The following TIAM2 variants were observed in gnomAD, a reference collection of about 807,000 sequenced individuals.
TIAM2 encodes TIAM Rac1 associated GEF 2.
Under a neutral mutation model 152.9 loss-of-function variants are expected in TIAM2, and 80 were observed. The ratio of observed to expected loss-of-function variants is 0.52; its 90% confidence interval spans 0.44 to 0.63. TIAM2 has a LOEUF of 0.63. Ranked by LOEUF, TIAM2 falls within the 30% of genes least tolerant of loss-of-function variation. The pLI, the probability that TIAM2 is intolerant of heterozygous loss-of-function variation, is 0.00. For missense variants in TIAM2, 1,965 were observed against 2,120.1 expected (o/e 0.93, Z 1.44); for synonymous variants, 804 against 838.0 (o/e 0.96, Z 0.70).
chr6:155,248,139 C>CCTGA lies in TIAM2; in HGVS notation c.3794_3797dup (p.Gln1268GlyfsTer26). ...CGCTGCTGCTCAAGGAGCTGGTGTC[C>CCTGA]CTGACGGACCAGGAGAGCGAGGAGC... On this transcript the variant is annotated frameshift_variant, in exon 20 of 27. Coordinates refer to ENST00000682666, the MANE Select transcript of TIAM2 (RefSeq NM_012454.4). LOFTEE classifies it high-confidence loss of function. 1 of 1,614,116 alleles carries CCTGA rather than the reference C, an allele frequency of 6.2e-7. No homozygotes were observed. The highest frequency in any genetic ancestry group is 8.5e-7 in the Non-Finnish European group (1 of 1,180,020).
intron 15 of TIAM2, chr6:155,217,135 C>A (rs767095648): frequency 1.6e-6 from 2 of 1,288,438 alleles, no homozygotes; most frequent in Non-Finnish European, 2.0e-6. Context: ...AGATTTTGAT[C>A]CAAATGTAGG....
chr6:155,256,888 C>T lies in TIAM2; in HGVS notation c.4873C>T (p.Pro1625Ser), dbSNP rs201653955. ...TGAGGGTCAGAAAGGAGGAGAGCAG[C>T]CCAAACTGGTCCGGGGGCACTTCTG... is the stretch of plus-strand genomic sequence containing the variant. ...SGEGQKGGEQ[P>S]KLVRGHFCPI... The change falls in exon 27 of 27, where the codon CCC (proline) becomes TCC (serine). Residue 1625 changes from proline to serine, a missense_variant. Physicochemically the swap from Pro to Ser is moderately conservative, Grantham distance 74. Coordinates refer to ENST00000682666, the MANE Select transcript of TIAM2 (RefSeq NM_012454.4). 1.2e-6 allele frequency: 2 copies of T among 1,614,206 alleles called. No homozygotes were observed. Among genetic ancestry groups the T allele is most frequent in the East Asian group, 4.5e-5 (2 of 44,886 alleles).
intron 1 of TIAM2, among the ~76,000 whole-genome samples, chr6:155,081,747 C>G (rs188512890): frequency 8.5e-5 from 13 of 152,278 alleles, no homozygotes; most frequent in Admixed American, 7.8e-4. Flanking sequence ...TGGTGCTTGC[C>G]CTTTCAAGTG....
intron 6 of TIAM2, among the ~76,000 whole-genome samples, chr6:155,147,234 A>G (rs1583214215): frequency 6.7e-6 from 1 of 149,992 alleles, no homozygotes; most frequent in East Asian, 1.9e-4. Context: ...CCAGGTTTCA[A>G]AATTTCATAT....
At chr6:155,083,348 CAA>C (rs574203207) in intron 1 of TIAM2, among the ~76,000 whole-genome samples, 26,831 of 89,290 alleles carry the variant, frequency 0.3, 2,786 homozygotes, top group East Asian at 0.44. Flanking sequence ...GACTTTATCT[CAA>C]AAAAAAAAAA....
In TIAM2 at chr6:155,254,491, A is replaced by G. The variant is rs1783878148; in HGVS notation, c.4386A>G (p.Ile1462Met). ...TGAGGGAGAACTTCAGGCGTCACAT[A>G]AAGTGTGAATTACCACTGGAGAAAA... ...SILRENFRRH[I>M]KCELPLEKTC... is the part of the protein sequence containing the mutation. The change falls in exon 26 of 27, where the codon ATA becomes ATG. Residue 1462 changes from isoleucine (I) to methionine (M), a missense_variant. Ile to Met is a conservative substitution (Grantham distance 10). Around this residue, in one of 3 missense-constraint regions of TIAM2, gnomAD observed 935 missense variants for 980.0 expected, o/e 0.95. Transcript: ENST00000682666. 6 of 1,614,102 alleles carry G rather than the reference A, an allele frequency of 3.7e-6. No individual in the cohort carries two copies. Among genetic ancestry groups the G allele is most frequent in the African/African-American group, 2.7e-5 (2 of 74,950 alleles).
At chr6:155,039,625 G>A (rs866631068) in intron 1 of TIAM2, among the ~76,000 whole-genome samples, 8 of 129,812 alleles carry the variant, frequency 6.2e-5, no homozygotes, top group Non-Finnish European at 9.6e-5. Flanking sequence ...GGGAATGGGC[G>A]TTGGGGGCTG....
chr6:155,017,877 A>G (rs1345470577), intron 1 of TIAM2, among the ~76,000 whole-genome samples: 1 of 152,018 alleles, frequency 6.6e-6, no homozygotes, highest in Admixed American at 6.6e-5. Flanking sequence ...TGAAAGACCC[A>G]TGTCTCCAGA....
rs200692211 is a variant in TIAM2 at position 155,230,902 on chromosome 6, T to G, written c.3169-9628T>G. Among the ~76,000 whole-genome samples the G allele has an allele frequency of 5.5e-4, 83 of 151,996 alleles. No homozygotes were observed. The East Asian group carries it at 0.015, about 27-fold the overall frequency. On this transcript the variant is annotated intron_variant, in intron 15 of 26. Coordinates refer to ENST00000682666, the MANE Select transcript of TIAM2 (RefSeq NM_012454.4). ...AGGCTGGAGTACAGTGGAACGATCT[T>G]GGCTCACTGCAACCTCTGCCTCCCG...
intron 1 of TIAM2, among the ~76,000 whole-genome samples, chr6:155,057,017 CTTTTTTT>C (rs71023612): frequency 4.3e-4 from 19 of 43,866 alleles, no homozygotes; most frequent in Admixed American, 2.7e-3. Context: ...AGTTTTCTTT[CTTTTTTT>C]TTTTTTTTTT....
chr6:155,152,530 C>T (rs1242934526), intron 7 of TIAM2, among the ~76,000 whole-genome samples: 5 of 152,200 alleles, frequency 3.3e-5, no homozygotes, highest in African/African-American at 2.4e-5. Context: ...GAAGGAGACA[C>T]GGTTATCCCA....
intron 3 of TIAM2, among the ~76,000 whole-genome samples, chr6:155,128,410 G>A (rs998291876): frequency 6.6e-6 from 1 of 152,090 alleles, no homozygotes; most frequent in African/African-American, 2.4e-5. Context: ...TTATAAAAAT[G>A]TGATAGTTTT....
chr6:155,178,270 AAT>A (rs1780806482), intron 10 of TIAM2, among the ~76,000 whole-genome samples: 1 of 152,078 alleles, frequency 6.6e-6, no homozygotes, highest in Admixed American at 6.6e-5. Flanking sequence ...TGCGAGAGAA[AAT>A]ATGAGTGTGT....
At chr6:155,205,081 A>G (rs1781563285) in intron 14 of TIAM2, among the ~76,000 whole-genome samples, 1 of 150,412 alleles carries the variant, frequency 6.6e-6, no homozygotes, top group Non-Finnish European at 1.5e-5. Flanking sequence ...AACACCTCCC[A>G]GTAAGTCTAC....
At chr6:155,053,589 G>A (rs1777372435) in intron 1 of TIAM2, among the ~76,000 whole-genome samples, 1 of 150,804 alleles carries the variant, frequency 6.6e-6, no homozygotes. Context: ...TCATGCCTCA[G>A]CCTCCCGAGT....
At chr6:155,137,636 G>T in intron 5 of TIAM2, 24 bp downstream of exon 5, 1 of 1,528,926 alleles carries the variant, frequency 6.5e-7, no homozygotes, top group South Asian at 1.3e-5. Flanking sequence ...CACCTGCTGA[G>T]GCCACTGGGG....
At chr6:155,252,102 G>A (rs186824137) in intron 23 of TIAM2, 99 bp downstream of exon 23, 119 of 865,260 alleles carry the variant, frequency 1.4e-4, no homozygotes, top group African/African-American at 8.6e-4. Context: ...AGGCTGGGCT[G>A]ACTGATACTG....
At chr6:155,140,087 C>T (rs1779657090) in intron 5 of TIAM2, among the ~76,000 whole-genome samples, 1 of 152,226 alleles carries the variant, frequency 6.6e-6, no homozygotes. Flanking sequence ...TTAGCTACCT[C>T]ATTAGAGATG....
At chr6:155,028,863 T>C (rs1416901049) in intron 1 of TIAM2, among the ~76,000 whole-genome samples, 1 of 125,786 alleles carries the variant, frequency 8.0e-6, no homozygotes, top group South Asian at 2.5e-4. Flanking sequence ...ACACTGTATA[T>C]ACTATCTATA....
Sources: allele counts gnomAD v4.1 joint callset (sites outside exome capture counted in the v4.1 genomes callset), GRCh38; gene constraint gnomAD v4.1.1; regional missense constraint gnomAD v4.1.1; transcripts MANE v1.5; gene names NCBI Gene and HGNC (gene_info 2026-07-23, HGNC 2026-07-21).